The following PKHD1 variants were observed in gnomAD, a reference collection of about 807,000 sequenced individuals.
The protein encoded by PKHD1 is PKHD1 ciliary IPT domain containing fibrocystin/polyductin.
PKHD1 carries 291 observed loss-of-function variants against 412.0 expected under a neutral mutation model. That is an observed-to-expected ratio of 0.71 (90% CI 0.64 to 0.78). PKHD1 has a LOEUF of 0.78. Among genes scored for constraint, PKHD1 ranks in the 30% least tolerant of loss-of-function variants. PKHD1 has a pLI of 0.00. For synonymous variants in PKHD1, 1,777 were observed against 1,821.5 expected (o/e 0.98, Z 0.62); for missense variants, 4,825 against 4,950.7 (o/e 0.97, Z 0.76).
At chr6:51,867,225 C>T (rs1477927183) in intron 48 of PKHD1, among the ~76,000 whole-genome samples, 5 of 152,158 alleles carry the variant, frequency 3.3e-5, no homozygotes, top group African/African-American at 1.2e-4. Flanking sequence ...GAACCCTAGA[C>T]ATTCAGCAAT....
chr6:51,840,409 G>C (rs887473564), intron 50 of PKHD1, among the ~76,000 whole-genome samples: 6 of 152,104 alleles, frequency 3.9e-5, no homozygotes, highest in African/African-American at 1.4e-4. Flanking sequence ...TTTTGGGGGG[G>C]ACAAAAGGAA....
At chr6:51,715,341 T>C (rs1212494621) in intron 60 of PKHD1, among the ~76,000 whole-genome samples, 1 of 152,160 alleles carries the variant, frequency 6.6e-6, no homozygotes, top group Non-Finnish European at 1.5e-5. Context: ...TGCTTCTTCC[T>C]GAAAAGCAGG....
At chr6:51,637,431 G>A (rs1002085394) in intron 64 of PKHD1, among the ~76,000 whole-genome samples, 2 of 152,134 alleles carry the variant, frequency 1.3e-5, no homozygotes, top group African/African-American at 2.4e-5. Flanking sequence ...ATCCTCTGAA[G>A]TATAAATGTG....
intron 5 of PKHD1, among the ~76,000 whole-genome samples, chr6:52,079,514 G>A (rs1346941392): frequency 6.6e-6 from 1 of 152,116 alleles, no homozygotes; most frequent in African/African-American, 2.4e-5. Context: ...GCCCCTCTAT[G>A]GGCTTCTATT....
chr6:51,851,146 G>GA (rs1196654535), intron 49 of PKHD1, among the ~76,000 whole-genome samples: 4 of 152,040 alleles, frequency 2.6e-5, no homozygotes, highest in Admixed American at 2.0e-4. Flanking sequence ...TGCATCTATT[G>GA]AAAAAAATCA....
intron 52 of PKHD1, among the ~76,000 whole-genome samples, chr6:51,824,706 G>T (rs1012509290): frequency 6.6e-6 from 1 of 152,090 alleles, no homozygotes; most frequent in Non-Finnish European, 1.5e-5. Context: ...TGTCTCCCTG[G>T]ATCTTTAATG....
At chr6:51,982,598 A>G (rs1187102577) in intron 35 of PKHD1, among the ~76,000 whole-genome samples, 2 of 147,524 alleles carry the variant, frequency 1.4e-5, no homozygotes, top group South Asian at 2.2e-4. Flanking sequence ...TGTTAAACAG[A>G]TGCTTGAAGG....
chr6:51,941,348 C>T (rs1284145798), intron 36 of PKHD1, among the ~76,000 whole-genome samples: 2 of 144,282 alleles, frequency 1.4e-5, no homozygotes, highest in South Asian at 2.2e-4. Context: ...CTCCGCTTCC[C>T]GGGTTCACGC....
intron 60 of PKHD1, among the ~76,000 whole-genome samples, chr6:51,690,762 T>C (rs1582106823): frequency 1.3e-5 from 2 of 151,960 alleles, no homozygotes; most frequent in African/African-American, 2.4e-5. Context: ...TGAGCAAAGA[T>C]TTCATGACAA....
At chr6:51,764,414 A>G (rs1195636524) in intron 55 of PKHD1, among the ~76,000 whole-genome samples, 5 of 147,084 alleles carry the variant, frequency 3.4e-5, no homozygotes, top group Non-Finnish European at 7.5e-5. Context: ...TCAGGAAACA[A>G]CAGGTGCTGG....
intron 13 of PKHD1, among the ~76,000 whole-genome samples, chr6:52,063,142 T>C (rs1808939695): frequency 6.6e-6 from 1 of 152,176 alleles, no homozygotes; most frequent in Admixed American, 6.5e-5. Context: ...TGGCCTCAAT[T>C]TGTGGACCTG....
At chr6:51,958,215 A>ACTC (rs1210339571) in intron 36 of PKHD1, among the ~76,000 whole-genome samples, 1 of 150,708 alleles carries the variant, frequency 6.6e-6, no homozygotes, top group Non-Finnish European at 1.5e-5. Context: ...CATCCTACCT[A>ACTC]CTCCTCCTCC....
intron 7 of PKHD1, among the ~76,000 whole-genome samples, chr6:52,072,762 C>T (rs1004357573): frequency 3.9e-5 from 6 of 152,110 alleles, no homozygotes; most frequent in African/African-American, 1.4e-4. Flanking sequence ...AATTAGACAC[C>T]ATGTATGGAA....
chr6:52,054,320 A>G (rs983953074), intron 19 of PKHD1, among the ~76,000 whole-genome samples, 155 bp from the exon 20 acceptor site: 6 of 152,210 alleles, frequency 3.9e-5, no homozygotes, highest in African/African-American at 1.4e-4. Context: ...GTGTAGCCAG[A>G]GAGACAAATA....
chr6:51,941,212 A>G (rs1415172544), intron 36 of PKHD1, among the ~76,000 whole-genome samples: 1 of 135,372 alleles, frequency 7.4e-6, no homozygotes, highest in East Asian at 2.2e-4. Flanking sequence ...AAAGCCTGTT[A>G]TCACTCACCT....
intron 60 of PKHD1, among the ~76,000 whole-genome samples, chr6:51,717,600 G>A (rs1217405879): frequency 6.6e-6 from 1 of 152,158 alleles, no homozygotes; most frequent in African/African-American, 2.4e-5. Context: ...CAATAGCTAT[G>A]CCATATAGCC....
intron 35 of PKHD1, among the ~76,000 whole-genome samples, chr6:51,967,993 A>G (rs1460988319): frequency 6.6e-6 from 1 of 152,132 alleles, no homozygotes; most frequent in Non-Finnish European, 1.5e-5. Context: ...ACAGCTCCGC[A>G]GTTTCATACA....
In PKHD1 at chr6:52,071,009, T is replaced by A. The variant is rs369925690; in HGVS notation, c.664A>T (p.Ile222Phe). The A allele has an allele frequency of 1.3e-6, 2 of 1,584,436 alleles. No individual in the cohort carries two copies. Among genetic ancestry groups the A allele is most frequent in the Non-Finnish European group, 1.7e-6 (2 of 1,153,038 alleles). Residue 222 changes from isoleucine to phenylalanine, a missense_variant, in exon 9 of 67, where the codon ATC becomes TTC. Physicochemically the swap from Ile to Phe is conservative, Grantham distance 21. Coordinates refer to ENST00000371117, the MANE Select transcript of PKHD1 (RefSeq NM_138694.4). ...TLQCHVEGDY[I>F]GSQNVSFSVF... ...TTATGTTACTTCTCTAACAGACCGA[T>A]GTAGTCGCCTTCCACATGGCACTGC...
At chr6:51,985,318 A>AT (rs1361124057) in intron 35 of PKHD1, among the ~76,000 whole-genome samples, 11 of 152,242 alleles carry the variant, frequency 7.2e-5, no homozygotes, top group African/African-American at 2.7e-4. Context: ...TTGATTCTTT[A>AT]TTTTGGCCTA....
Sources: gnomAD v4.1 joint callset for allele counts (sites outside exome capture counted in the v4.1 genomes callset) on GRCh38, gnomAD v4.1.1 for gene constraint, MANE v1.5 for transcripts, NCBI Gene and HGNC (gene_info 2026-07-23, HGNC 2026-07-21) for gene names.